The following TMEM272 variants were observed in gnomAD, a reference collection of about 807,000 sequenced individuals.
TMEM272 encodes long intergenic non-protein coding RNA 282.
In TMEM272, 8 loss-of-function variants were observed where a neutral mutation model predicts 3.7. The ratio of observed to expected loss-of-function variants is 2.17; its 90% CI spans 1.27 to 3.91. TMEM272 has a LOEUF of 3.91. Among genes scored for constraint, TMEM272 ranks in the 30% most tolerant of loss-of-function variants. The pLI is 0.00. For missense variants in TMEM272, 166 were observed against 91.5 expected (o/e 1.81, Z -3.32); for synonymous variants, 63 against 39.8 (o/e 1.58, Z -2.20).
chr13:51,900,852 A>G, the TMEM272 span, among the ~76,000 whole-genome samples: 2 of 152,248 alleles, frequency 1.3e-5, no homozygotes, highest in African/African-American at 4.8e-5. Context: ...GCTAAGTATA[A>G]GAAGCCAGAC....
chr13:51,883,678 CTCGGTTTTCAGGCTTTAAACTG>C, the TMEM272 span, among the ~76,000 whole-genome samples: 4 of 152,198 alleles, frequency 2.6e-5, no homozygotes, highest in Non-Finnish European at 5.9e-5. Flanking sequence ...GGCCCGGCAG[CTCGGTTTTCAGGCTTTAAACTG>C]TCTTTGGTTT....
chr13:51,852,560 G>A, the TMEM272 span, among the ~76,000 whole-genome samples: 1 of 152,180 alleles, frequency 6.6e-6, no homozygotes, highest in African/African-American at 2.4e-5. Flanking sequence ...CAATTTTCCA[G>A]TTTGATCTAC....
At chr13:51,846,114 C>T (rs1426568380), upstream of TMEM272, among the ~76,000 whole-genome samples, 1 of 152,166 alleles carries the variant, frequency 6.6e-6, no homozygotes, top group Admixed American at 6.5e-5. Context: ...GAGGAGGGCA[C>T]CTCTCCGGGC....
At chr13:51,929,334 G>A in the TMEM272 span, among the ~76,000 whole-genome samples, 1 of 152,140 alleles carries the variant, frequency 6.6e-6, no homozygotes, top group Non-Finnish European at 1.5e-5. Context: ...TAAAACCCTG[G>A]GCTGCTAGTA....
At chr13:51,902,299 G>A in the TMEM272 span, among the ~76,000 whole-genome samples, 1 of 152,192 alleles carries the variant, frequency 6.6e-6, no homozygotes, top group Non-Finnish European at 1.5e-5. Flanking sequence ...TACTTCAACA[G>A]AATCACAACA....
chr13:51,921,911 C>CGT, the TMEM272 span, among the ~76,000 whole-genome samples: 597 of 151,900 alleles, frequency 3.9e-3, 4 homozygotes, highest in South Asian at 0.019. Context: ...CCACTGTGTG[C>CGT]GTGTGTGTGT....
chr13:51,857,726 GT>G, the TMEM272 span, among the ~76,000 whole-genome samples: 2 of 151,844 alleles, frequency 1.3e-5, no homozygotes, highest in African/African-American at 4.8e-5. Context: ...ACAGGTAGGA[GT>G]AGAAAAAACA....
At chr13:51,903,538 G>T in the TMEM272 span, among the ~76,000 whole-genome samples, 1 of 152,142 alleles carries the variant, frequency 6.6e-6, no homozygotes, top group African/African-American at 2.4e-5. Flanking sequence ...CCACCAAATA[G>T]AGGGCAAACT....
the TMEM272 span, among the ~76,000 whole-genome samples, chr13:51,906,993 A>C: frequency 1.3e-5 from 2 of 152,252 alleles, no homozygotes; most frequent in Admixed American, 6.5e-5. Context: ...CTTCTGTAGC[A>C]GGTTGTTTGC....
At chr13:51,892,953 C>T in the TMEM272 span, among the ~76,000 whole-genome samples, 2 of 152,228 alleles carry the variant, frequency 1.3e-5, no homozygotes, top group Admixed American at 1.3e-4. Flanking sequence ...TTCTTTACTG[C>T]ACCCTGACTA....
the TMEM272 span, among the ~76,000 whole-genome samples, chr13:51,859,555 C>T: frequency 6.6e-6 from 1 of 150,894 alleles, no homozygotes; most frequent in African/African-American, 2.4e-5. Flanking sequence ...CACAGACACC[C>T]CCTCAGCAAA....
At chr13:51,854,956 G>A in the TMEM272 span, among the ~76,000 whole-genome samples, 11 of 152,258 alleles carry the variant, frequency 7.2e-5, no homozygotes, top group Middle Eastern at 3.4e-3. Context: ...GCAAAATATC[G>A]TATTTGGAAC....
At chr13:51,819,291 T>C (rs1478463555) in intron 4 of TMEM272, among the ~76,000 whole-genome samples, 2 of 152,202 alleles carry the variant, frequency 1.3e-5, no homozygotes, top group African/African-American at 4.8e-5. Context: ...ACGGTGGCTG[T>C]GTGGTTGGGA....
the TMEM272 span, among the ~76,000 whole-genome samples, chr13:51,856,062 T>C: frequency 1.3e-5 from 2 of 152,134 alleles, no homozygotes; most frequent in Non-Finnish European, 2.9e-5. Context: ...AGCTCAGAGG[T>C]TAGAGTTTTT....
chr13:51,860,752 T>C, the TMEM272 span, among the ~76,000 whole-genome samples: 15 of 44,534 alleles, frequency 3.4e-4, no homozygotes, highest in East Asian at 5.8e-3. Context: ...TATATATATA[T>C]ACACACACAC....
chr13:51,928,760 T>G, the TMEM272 span, among the ~76,000 whole-genome samples: 1 of 152,352 alleles, frequency 6.6e-6, no homozygotes, highest in South Asian at 2.1e-4. Context: ...TGTAATCAAC[T>G]GCTGAAGACA....
At chr13:51,919,508 G>A in the TMEM272 span, among the ~76,000 whole-genome samples, 4 of 151,604 alleles carry the variant, frequency 2.6e-5, no homozygotes, top group African/African-American at 9.7e-5. Context: ...ACAGAGACTG[G>A]TGTCTAGAAC....
the TMEM272 span, among the ~76,000 whole-genome samples, chr13:51,932,105 C>T: frequency 6.6e-6 from 1 of 152,140 alleles, no homozygotes; most frequent in Non-Finnish European, 1.5e-5. Context: ...CATAACTATT[C>T]ATAGTGCCTC....
At chr13:51,909,666 G>A in the TMEM272 span, 5 of 1,530,116 alleles carry the variant, frequency 3.3e-6, no homozygotes, top group South Asian at 2.2e-5. Flanking sequence ...TAACTTAGCA[G>A]CATGAATCAG....
Sources: gnomAD v4.1 joint callset for allele counts (sites outside exome capture counted in the v4.1 genomes callset) on GRCh38, gnomAD v4.1.1 for gene constraint, MANE v1.5 for transcripts, NCBI Gene and HGNC (gene_info 2026-07-23, HGNC 2026-07-21) for gene names.